Variants in KCNIP1 observed in about 807,000 individuals in gnomAD.
The protein encoded by KCNIP1 is potassium voltage-gated channel interacting protein 1.
KCNIP1 carries 18 observed loss-of-function variants against 33.0 expected under a neutral mutation model. The ratio of observed to expected loss-of-function variants is 0.55; its 90% CI spans 0.38 to 0.81. The LOEUF is 0.81. KCNIP1 is among the 30% of genes least tolerant of loss of function. The pLI, the probability that KCNIP1 is intolerant of heterozygous loss-of-function variation, is 0.00. For missense variants in KCNIP1, 238 were observed against 271.6 expected (o/e 0.88, Z 0.87); for synonymous variants, 93 against 98.3 (o/e 0.95, Z 0.32).
intron 5 of KCNIP1, among the ~76,000 whole-genome samples, chr5:170,730,972 G>A (rs1764173022): frequency 6.6e-6 from 1 of 152,134 alleles, no homozygotes; most frequent in Non-Finnish European, 1.5e-5. Flanking sequence ...ACAAGTCCAT[G>A]CTAATGTAAA....
At chr5:170,726,286 C>T (rs1324452850) in intron 5 of KCNIP1, among the ~76,000 whole-genome samples, 1 of 151,820 alleles carries the variant, frequency 6.6e-6, no homozygotes, top group African/African-American at 2.4e-5. Context: ...TAATTTAATA[C>T]AAAGATAAAC....
chr5:170,726,359 G>T (rs1764003979), intron 5 of KCNIP1, among the ~76,000 whole-genome samples: 1 of 152,070 alleles, frequency 6.6e-6, no homozygotes, highest in Non-Finnish European at 1.5e-5. Flanking sequence ...TATATGAATG[G>T]CCAGTAAACC....
chr5:170,666,618 C>A (rs1761713383), intron 1 of KCNIP1, among the ~76,000 whole-genome samples: 1 of 152,188 alleles, frequency 6.6e-6, no homozygotes, highest in Admixed American at 6.5e-5. Context: ...GCAAAGAAAT[C>A]CAGCGTTAAC....
upstream of KCNIP1, among the ~76,000 whole-genome samples, chr5:170,499,890 A>G (rs1436450736): frequency 1.3e-5 from 2 of 152,152 alleles, no homozygotes; most frequent in Non-Finnish European, 2.9e-5. Context: ...AAGGAGTCCT[A>G]TATAGAGGCT....
At position 170,411,828 on chromosome 5, in the gene KCNIP1, G is replaced by A. The variant is rs115536303; in HGVS notation, c.88+57864G>A. Among the ~76,000 whole-genome samples, 536 of 152,200 alleles carry A rather than the reference G, an allele frequency of 3.5e-3. 4 individuals are homozygous for A. The highest frequency in any genetic ancestry group is 0.012 in the African/African-American group (513 of 41,538). On this transcript the variant is annotated intron_variant, in intron 1 of 7. Transcript: ENST00000377360. Reference sequence around the variant, plus strand: ...GTAACAGTGTCAATAAACCAATGCCGAGCGCCAAATAAAAGTCAGTGAGTA... The same window carrying A: ...GTAACAGTGTCAATAAACCAATGCCAAGCGCCAAATAAAAGTCAGTGAGTA...
At chr5:170,445,668 T>G (rs1218528323) in intron 1 of KCNIP1, among the ~76,000 whole-genome samples, 1 of 152,158 alleles carries the variant, frequency 6.6e-6, no homozygotes, top group Non-Finnish European at 1.5e-5. Flanking sequence ...CTCGCCTCCT[T>G]CCCTCACAGG....
rs192485469 is a variant in KCNIP1, at chr5:170,467,666, C to T, written c.88+113702C>T. 4.4e-3 allele frequency among the ~76,000 whole-genome samples: 671 copies of T among 151,996 alleles called. 5 individuals are homozygous for T. Among genetic ancestry groups the T allele is most frequent in the Non-Finnish European group, 6.7e-3 (456 of 67,958 alleles). Reference sequence around the variant, plus strand: ...GGCGCGGTGGCTCACGCCTGTAATCCCAGGGCTTCGAGAGGCCGAGGCGGG... The same window carrying T: ...GGCGCGGTGGCTCACGCCTGTAATCTCAGGGCTTCGAGAGGCCGAGGCGGG... On this transcript the variant is annotated intron_variant, in intron 1 of 7. Coordinates refer to the KCNIP1 transcript ENST00000377360.
At chr5:170,681,003 G>C in intron 1 of KCNIP1, 3 of 399,252 alleles carry the variant, frequency 7.5e-6, no homozygotes, top group Non-Finnish European at 8.8e-6. Context: ...AGGGAGGCTT[G>C]GAAGCCTGGT....
At chr5:170,474,231 T>G (rs1027151279) in intron 1 of KCNIP1, among the ~76,000 whole-genome samples, 1 of 152,092 alleles carries the variant, frequency 6.6e-6, no homozygotes, top group African/African-American at 2.4e-5. Flanking sequence ...CGAGACAACC[T>G]TTACTTATCA....
intron 1 of KCNIP1, among the ~76,000 whole-genome samples, chr5:170,360,339 G>C (rs1023948576): frequency 2.0e-5 from 3 of 152,230 alleles, no homozygotes; most frequent in Admixed American, 6.5e-5. Context: ...CTCCAACCCT[G>C]CCATGCACCA....
At chr5:170,467,059 A>G (rs780002732) in intron 1 of KCNIP1, among the ~76,000 whole-genome samples, 3 of 152,182 alleles carry the variant, frequency 2.0e-5, no homozygotes, top group Non-Finnish European at 2.9e-5. Context: ...TGATGACATG[A>G]CTATCACTGG....
At position 170,538,758 on chromosome 5, in the gene KCNIP1, C is replaced by T. The variant is rs371073272; in HGVS notation, c.61+34125C>T. Among the ~76,000 whole-genome samples, 5 of 151,324 alleles carry T rather than the reference C, an allele frequency of 3.3e-5. No individual in the cohort carries two copies. The East Asian group carries it at 8.1e-4, about 25-fold the overall frequency. On this transcript the variant is annotated intron_variant, in intron 1 of 7. Transcript: ENST00000328939. ...TCCAGCAAAGAGGAATCCTGTGGTTCACCAAAGGCACACAGGTCTTTGGCA... is the reference window on the plus strand; with the variant it reads ...TCCAGCAAAGAGGAATCCTGTGGTTTACCAAAGGCACACAGGTCTTTGGCA...
chr5:170,400,333 C>T (rs753766331), intron 1 of KCNIP1, among the ~76,000 whole-genome samples: 3 of 152,154 alleles, frequency 2.0e-5, no homozygotes, highest in Non-Finnish European at 4.4e-5. Flanking sequence ...GCAGGCACCT[C>T]TTCACAAGGT....
intron 1 of KCNIP1, among the ~76,000 whole-genome samples, chr5:170,407,359 G>A (rs1352430182): frequency 1.3e-5 from 2 of 152,220 alleles, no homozygotes; most frequent in African/African-American, 2.4e-5. Context: ...ATAGATCTAA[G>A]GATGGGCAGG....
At chr5:170,608,152 C>T (rs1430536600) in intron 1 of KCNIP1, among the ~76,000 whole-genome samples, 1 of 152,128 alleles carries the variant, frequency 6.6e-6, no homozygotes, top group Non-Finnish European at 1.5e-5. Flanking sequence ...TATCTGTCTC[C>T]TAGGAACAAG....
At chr5:170,442,025 T>C (rs1376954532) in intron 1 of KCNIP1, among the ~76,000 whole-genome samples, 3 of 148,422 alleles carry the variant, frequency 2.0e-5, no homozygotes, top group Non-Finnish European at 4.5e-5. Flanking sequence ...TAGCTGATAC[T>C]CTATCCAGGA....
chr5:170,537,546 C>T (rs1756039608), intron 1 of KCNIP1, among the ~76,000 whole-genome samples: 1 of 152,204 alleles, frequency 6.6e-6, no homozygotes, highest in South Asian at 2.1e-4. Context: ...TCAGGACCCC[C>T]TCTCCACTGT....
intron 1 of KCNIP1, among the ~76,000 whole-genome samples, chr5:170,428,716 C>T (rs1272748017): frequency 3.3e-5 from 5 of 152,144 alleles, no homozygotes; most frequent in Non-Finnish European, 7.3e-5. Flanking sequence ...GTGTCACCTT[C>T]ACCTTCCCAC....
At chr5:170,613,990 A>T (rs545861405) in intron 1 of KCNIP1, among the ~76,000 whole-genome samples, 2 of 152,192 alleles carry the variant, frequency 1.3e-5, no homozygotes, top group Non-Finnish European at 2.9e-5. Context: ...TCCGGTGTCT[A>T]CTGGGGAGGT....
Sources: gnomAD v4.1 joint callset for allele counts (sites outside exome capture counted in the v4.1 genomes callset) on GRCh38, gnomAD v4.1.1 for gene constraint, MANE v1.5 for transcripts, NCBI Gene and HGNC (gene_info 2026-07-23, HGNC 2026-07-21) for gene names.